The following RAD21 variants were observed in gnomAD, a reference collection of about 807,000 sequenced individuals.
RAD21 encodes double-strand-break repair protein rad21 homolog.
A neutral mutation model predicts 71.5 loss-of-function variants in RAD21; 18 were observed. That is an observed-to-expected ratio of 0.25 (90% CI 0.17 to 0.37). RAD21 has a LOEUF of 0.37. RAD21 is among the 10% of genes least tolerant of loss of function. The pLI, the probability that RAD21 is intolerant of heterozygous loss-of-function variation, is 1.00. For missense variants in RAD21, 493 were observed against 769.1 expected (o/e 0.64, Z 4.25); for synonymous variants, 248 against 254.0 (o/e 0.98, Z 0.22).
chr8:116,873,901 G>A (rs1473777187), intron 1 of RAD21, among the ~76,000 whole-genome samples: 3 of 152,144 alleles, frequency 2.0e-5, no homozygotes. Context: ...GATCAGAAAA[G>A]TTCAGGGGAA....
At chr8:116,873,010 T>C (rs1021924858) in intron 1 of RAD21, among the ~76,000 whole-genome samples, 2 of 152,178 alleles carry the variant, frequency 1.3e-5, no homozygotes, top group African/African-American at 2.4e-5. Context: ...TTATGAAAAT[T>C]AAATACAAGG....
chr8:116,867,581 T>C (rs1812722188), intron 1 of RAD21, among the ~76,000 whole-genome samples: 1 of 152,200 alleles, frequency 6.6e-6, no homozygotes, highest in Admixed American at 6.5e-5. Flanking sequence ...TTAATTCCCC[T>C]CTTTCACGGA....
At chr8:116,864,518 T>C (rs138268685) in intron 2 of RAD21, among the ~76,000 whole-genome samples, 1 of 115,968 alleles carries the variant, frequency 8.6e-6, no homozygotes, top group East Asian at 2.2e-4. Context: ...TCCAAAATTA[T>C]ACCAAATTTG....
At chr8:116,873,050 C>G (rs1237497450) in intron 1 of RAD21, among the ~76,000 whole-genome samples, 1 of 152,152 alleles carries the variant, frequency 6.6e-6, no homozygotes, top group African/African-American at 2.4e-5. Context: ...ACTGCTGATG[C>G]GAAAAGTAAC....
intron 1 of RAD21, among the ~76,000 whole-genome samples, chr8:116,872,723 A>C (rs1812855961): frequency 6.6e-6 from 1 of 152,232 alleles, no homozygotes; most frequent in South Asian, 2.1e-4. Flanking sequence ...TGAAAGGTTG[A>C]AATCTGGTGG....
Position 116,856,240 on chromosome 8 carries a change from G to A in RAD21, c.863C>T (p.Pro288Leu). 1.9e-6 allele frequency: 3 copies of A among 1,594,904 alleles called. No individual in the cohort carries two copies. The highest frequency in any genetic ancestry group is 2.6e-6 in the Non-Finnish European group (3 of 1,172,780). ...PDSVDPVEPM[P>L]TMTDQTTLVP... ...AAGTGTTGTTTGATCAGTCATGGTT[G>A]GCATTGGTTCAACGGGATCCACTGA... is the stretch of plus-strand genomic sequence containing the variant. Residue 288 changes from proline to leucine, a missense_variant, in exon 8 of 14, where the codon CCA (proline) becomes CTA (leucine). Pro to Leu is a moderately conservative substitution (Grantham distance 98). This residue lies in a region of RAD21 where 165 missense variants were observed against 229.6 expected (regional missense o/e 0.72). Transcript: ENST00000297338.
intron 2 of RAD21, among the ~76,000 whole-genome samples, chr8:116,863,710 TC>T (rs1298102066): frequency 1.3e-5 from 2 of 152,016 alleles, no homozygotes; most frequent in South Asian, 2.1e-4. Context: ...GAGAAAGATT[TC>T]CCCCCCAAAA....
intron 13 of RAD21, among the ~76,000 whole-genome samples, chr8:116,848,016 C>A (rs1812279652): frequency 6.6e-6 from 1 of 152,186 alleles, no homozygotes; most frequent in Admixed American, 6.5e-5. Flanking sequence ...TTGCCTTCCA[C>A]CATGACTATA....
intron 2 of RAD21, among the ~76,000 whole-genome samples, chr8:116,865,651 T>C (rs899535715): frequency 6.6e-6 from 1 of 152,158 alleles, no homozygotes; most frequent in Non-Finnish European, 1.5e-5. Context: ...GGCTAGTCTT[T>C]AAAAAGAAAA....
At position 116,860,820 on chromosome 8, in the gene RAD21, T is replaced by C. The variant is rs188854387; in HGVS notation, c.374+1021A>G. 3.1e-3 allele frequency among the ~76,000 whole-genome samples: 479 copies of C among 152,272 alleles called. 2 individuals carry two copies. The highest frequency in any genetic ancestry group is 4.8e-3 in the Non-Finnish European group (327 of 68,012). On this transcript the variant is annotated intron_variant, in intron 4 of 13. Coordinates refer to ENST00000297338, the MANE Select transcript of RAD21 (RefSeq NM_006265.3). ...TAAAGGTGTGATGGGTCATGGAGGC[T>C]TTAAAAATTCTTTACCTCTAAGAGA...
intron 3 of RAD21, 40 bp downstream of exon 3, chr8:116,863,090 G>C: frequency 1.3e-6 from 2 of 1,564,826 alleles, no homozygotes; most frequent in Non-Finnish European, 1.7e-6. Context: ...AAACTCCAAA[G>C]TAAACAACAA....
intron 4 of RAD21, among the ~76,000 whole-genome samples, chr8:116,861,409 A>C (rs953268187): frequency 1.3e-4 from 20 of 150,844 alleles, no homozygotes; most frequent in African/African-American, 4.9e-4. Context: ...TCTTCATAAA[A>C]AGTTATCTCG....
Position 116,847,523 on chromosome 8 carries a change from C to T in RAD21, c.1873G>A (p.Gly625Arg). 6.2e-7 allele frequency: 1 copy of T among 1,612,016 alleles called. No individual in the cohort carries two copies. Residue 625 changes from glycine to arginine, a missense_variant, in exon 14 of 14, where the codon GGA becomes AGA. Gly to Arg is a moderately radical substitution (Grantham distance 125, BLOSUM62 -2). Transcript: ENST00000297338. ...EPYSDIIATP[G>R]PRFHII ...CCTTATATAATATGGAACCTTGGTCCAGGTGTTGCGATGATGTCACTGTAC... is the reference window on the plus strand; with the variant it reads ...CCTTATATAATATGGAACCTTGGTCTAGGTGTTGCGATGATGTCACTGTAC...
At position 116,854,125 on chromosome 8, in the gene RAD21, AAAG is replaced by A. The variant is rs142066051; in HGVS notation, c.1161+117_1161+119del. 7.6e-3 allele frequency: 5,719 copies of A among 754,610 alleles called. 247 individuals carry two copies. The African/African-American group carries it at 0.09, about 12-fold the overall frequency. 46.7% of individuals were successfully genotyped at this position (754,610 alleles called of 1,614,324 possible). The stretch of plus-strand genomic sequence containing the variant: ...AGTACACTGTGATTTAAGGGAGAAA[AAAG>A]AAAATGTGCCATACAGTTGCAAAAT... On this transcript the variant is annotated intron_variant, in intron 9 of 13. Transcript: ENST00000297338.
chr8:116,852,817 A>G, intron 9 of RAD21, 109 bp from the exon 10 acceptor site: 3 of 758,328 alleles, frequency 4.0e-6, no homozygotes, highest in Non-Finnish European at 5.5e-6. Flanking sequence ...ATAAGTGTAT[A>G]ATTTAGCATG....
At chr8:116,850,481 T>C (rs2130455675) in intron 12 of RAD21, 137 bp downstream of exon 12, 1 of 1,362,286 alleles carries the variant, frequency 7.3e-7, no homozygotes, top group Non-Finnish European at 9.9e-7. Context: ...ACGAAGAATA[T>C]GGTAAAATTT....
At chr8:116,855,151 A>C (rs552024184) in intron 8 of RAD21, among the ~76,000 whole-genome samples, 1 of 152,324 alleles carries the variant, frequency 6.6e-6, no homozygotes, top group East Asian at 1.9e-4. Flanking sequence ...AAAAATACAA[A>C]AAGATGTTAC....
intron 1 of RAD21, among the ~76,000 whole-genome samples, chr8:116,869,920 A>C (rs552816744): frequency 9.8e-5 from 15 of 152,334 alleles, no homozygotes; most frequent in Admixed American, 3.3e-4. Context: ...TTCAATTAAA[A>C]ATGTGCCAAT....
At chr8:116,849,145 G>C in intron 12 of RAD21, 116 bp from the exon 13 acceptor site, 1 of 655,354 alleles carries the variant, frequency 1.5e-6, no homozygotes, top group Non-Finnish European at 2.4e-6. Flanking sequence ...TGAACTAATA[G>C]AAAACTGTAC....
Sources: allele counts gnomAD v4.1 joint callset (sites outside exome capture counted in the v4.1 genomes callset), GRCh38; gene constraint gnomAD v4.1.1; regional missense constraint gnomAD v4.1.1; transcripts MANE v1.5; gene names NCBI Gene and HGNC (gene_info 2026-07-23, HGNC 2026-07-21).